Variants in IKZF3 observed in about 807,000 individuals in gnomAD.
The protein encoded by IKZF3 is zinc finger protein Aiolos.
In IKZF3, 10 loss-of-function variants were observed where a neutral mutation model predicts 49.0. That is an observed-to-expected ratio of 0.20 (90% CI 0.13 to 0.35). The LOEUF (loss-of-function observed/expected upper bound fraction) is 0.35. Ranked by LOEUF, IKZF3 falls within the 10% of genes least tolerant of loss-of-function variation. The pLI is 1.00. For missense variants in IKZF3, 498 were observed against 664.8 expected (o/e 0.75, Z 2.76); for synonymous variants, 209 against 228.2 (o/e 0.92, Z 0.76).
At chr17:39,823,324 T>G (rs1467911049) in intron 3 of IKZF3, among the ~76,000 whole-genome samples, 1 of 152,080 alleles carries the variant, frequency 6.6e-6, no homozygotes, top group Non-Finnish European at 1.5e-5. Context: ...GAGAGATGAT[T>G]TAAGGTATCT....
chr17:39,832,676 C>A (rs2062146828), intron 1 of IKZF3, among the ~76,000 whole-genome samples: 1 of 151,882 alleles, frequency 6.6e-6, no homozygotes, highest in African/African-American at 2.4e-5. Context: ...TGACAGTAAA[C>A]ACGTTGATCT....
chr17:39,818,035 G>C (rs902113007), intron 3 of IKZF3, among the ~76,000 whole-genome samples: 3 of 152,138 alleles, frequency 2.0e-5, no homozygotes, highest in Non-Finnish European at 4.4e-5. Flanking sequence ...TAGACAGTAT[G>C]GCCTACTACA....
chr17:39,853,551 A>T (rs2062944693), intron 1 of IKZF3, among the ~76,000 whole-genome samples: 1 of 152,222 alleles, frequency 6.6e-6, no homozygotes, highest in Admixed American at 6.6e-5. Context: ...TAAAAAAATA[A>T]CAGGCCAGGA....
intron 7 of IKZF3, among the ~76,000 whole-genome samples, chr17:39,768,898 G>C (rs550487833): frequency 1.4e-4 from 21 of 152,238 alleles, no homozygotes; most frequent in Non-Finnish European, 2.8e-4. Flanking sequence ...ATTAAATTTT[G>C]ATCGGATACT....
rs769404690 is a variant in IKZF3 at position 39,759,017 on chromosome 17, T to A, written c.*6773A>T. On this transcript the variant is annotated 3_prime_UTR_variant, in exon 8 of 8. Coordinates refer to ENST00000346872, the MANE Select transcript of IKZF3 (RefSeq NM_012481.5). ...TCACAACATCCTTGGAAGGTAGATA[T>A]TGTTATATCCTTACAAAAATTTAAT... 4.0e-5 allele frequency: 6 copies of A among 151,672 alleles called. No individual in the cohort carries two copies. Among genetic ancestry groups the A allele is most frequent in the Non-Finnish European group, 8.8e-5 (6 of 67,974 alleles). 9.4% of individuals were successfully genotyped at this position (151,672 alleles called of 1,614,324 possible). A position where few individuals can be genotyped will look rare whatever the true frequency, so the allele number is the denominator to read the frequency against.
intron 1 of IKZF3, among the ~76,000 whole-genome samples, chr17:39,855,226 C>T (rs1169498693): frequency 1.3e-5 from 2 of 151,906 alleles, no homozygotes; most frequent in Non-Finnish European, 2.9e-5. Context: ...TTGGTATAAA[C>T]GGTGTCCTGT....
intron 2 of IKZF3, among the ~76,000 whole-genome samples, chr17:39,831,760 T>C (rs2062115108): frequency 6.6e-6 from 1 of 152,228 alleles, no homozygotes; most frequent in African/African-American, 2.4e-5. Flanking sequence ...CAGACCACTG[T>C]TCTACAGTAA....
At chr17:39,799,899 A>T (rs979713175) in intron 3 of IKZF3, among the ~76,000 whole-genome samples, 4 of 152,164 alleles carry the variant, frequency 2.6e-5, no homozygotes, top group Non-Finnish European at 5.9e-5. Context: ...ATTTAGTATG[A>T]TATAATTACA....
intron 1 of IKZF3, among the ~76,000 whole-genome samples, chr17:39,848,610 T>C (rs1449761657): frequency 6.6e-6 from 1 of 152,202 alleles, no homozygotes; most frequent in Non-Finnish European, 1.5e-5. Context: ...GAGCTAAATA[T>C]GAAAGTTGAA....
chr17:39,818,967 T>C (rs1199641092), intron 3 of IKZF3, among the ~76,000 whole-genome samples: 1 of 152,226 alleles, frequency 6.6e-6, no homozygotes, highest in African/African-American at 2.4e-5. Flanking sequence ...ATATCTTCTC[T>C]ATCAAGAACT....
At chr17:39,824,567 C>T (rs1280195561) in intron 3 of IKZF3, among the ~76,000 whole-genome samples, 1 of 152,212 alleles carries the variant, frequency 6.6e-6, no homozygotes, top group Non-Finnish European at 1.5e-5. Flanking sequence ...GAATTGTAAC[C>T]CCCATTATCC....
chr17:39,846,512 T>G (rs1411338269), intron 1 of IKZF3, among the ~76,000 whole-genome samples: 1 of 148,136 alleles, frequency 6.8e-6, no homozygotes, highest in Non-Finnish European at 1.5e-5. Flanking sequence ...TTTTTCAGAG[T>G]TTCTAACATT....
chr17:39,825,842 G>A (rs1383813537), intron 3 of IKZF3, among the ~76,000 whole-genome samples: 1 of 152,198 alleles, frequency 6.6e-6, no homozygotes, highest in Non-Finnish European at 1.5e-5. Context: ...GCCCAGAAGA[G>A]TTCTATAATA....
rs1282006220 is a variant in IKZF3, at chr17:39,792,693, A to G, written c.404T>C (p.Val135Ala). The G allele has an allele frequency of 1.2e-6, 2 of 1,614,088 alleles. No individual in the cohort carries two copies. Among genetic ancestry groups the G allele is most frequent in the Admixed American group, 3.3e-5 (2 of 60,026 alleles). ...LSCISFNVLM[V>A]HKRSHTGERP... is the part of the protein sequence containing the mutation. ...TTTACCAGTATGGCTTCGCTTATGA[A>G]CCATTAAGACATTGAAGCTGATGCA... is the stretch of plus-strand genomic sequence containing the variant. The change falls in exon 4 of 8, where the codon GTT (valine) becomes GCT (alanine). Residue 135 changes from valine to alanine, a missense_variant. Val to Ala is a moderately conservative substitution (Grantham distance 64). Coordinates refer to ENST00000346872, the MANE Select transcript of IKZF3 (RefSeq NM_012481.5).
At position 39,759,046 on chromosome 17, in the gene IKZF3, C is replaced by A. The variant is rs185934129; in HGVS notation, c.*6744G>T. ...TATATCCTTACAAAAATTTAATACA[C>A]CCATTAACATTCCTATTTCAAATAG... is the stretch of plus-strand genomic sequence containing the variant. On this transcript the variant is annotated 3_prime_UTR_variant, in exon 8 of 8. Transcript: ENST00000346872. 7 of 151,784 alleles carry A rather than the reference C, an allele frequency of 4.6e-5. No individual in the cohort carries two copies. The East Asian group carries it at 1.4e-3, about 29-fold the overall frequency. 9.4% of individuals were successfully genotyped at this position (151,784 alleles called of 1,614,324 possible). A position where few individuals can be genotyped will look rare whatever the true frequency, so the allele number is the denominator to read the frequency against.
At chr17:39,829,525 C>A (rs371738204) in intron 2 of IKZF3, 37 bp from the exon 3 acceptor site, 2 of 1,429,484 alleles carry the variant, frequency 1.4e-6, no homozygotes, top group Non-Finnish European at 9.9e-7. Flanking sequence ...TGTGGTTCAA[C>A]GTTAAAGGAT....
In IKZF3 at chr17:39,814,238, A is replaced by C. The variant is rs186679540; in HGVS notation, c.163+15149T>G. ...TTGATCTAAGCATCTACACTGCACA[A>C]GATGTCACAATGGAGAAAATATAAG... On this transcript the variant is annotated intron_variant, in intron 3 of 7. Coordinates refer to ENST00000346872, the MANE Select transcript of IKZF3 (RefSeq NM_012481.5). Among the ~76,000 whole-genome samples the C allele has an allele frequency of 3.9e-5, 6 of 152,346 alleles. No individual in the cohort carries two copies. The East Asian group carries it at 1.2e-3, about 29-fold the overall frequency.
chr17:39,836,183 G>A (rs1243725324), intron 1 of IKZF3: 1 of 666,062 alleles, frequency 1.5e-6, no homozygotes, highest in Non-Finnish European at 2.8e-6. Context: ...GGGCTCAGCA[G>A]GCTCTGGTTG....
At position 39,764,632 on chromosome 17, in the gene IKZF3, C is replaced by A. The variant is rs2060248802; in HGVS notation, c.*1158G>T. 1 of 152,130 alleles carries A rather than the reference C, an allele frequency of 6.6e-6. No homozygotes were observed. Among genetic ancestry groups the A allele is most frequent in the Non-Finnish European group, 1.5e-5 (1 of 68,036 alleles). The allele number at this position is 152,130 out of a possible 1,614,324, so 9.4% of individuals were successfully genotyped here. On this transcript the variant is annotated 3_prime_UTR_variant, in exon 8 of 8. Coordinates refer to ENST00000346872, the MANE Select transcript of IKZF3 (RefSeq NM_012481.5). ...AAGGATGACTTATACATCTGCAGAA[C>A]CGTGATCAGACTTTCAGGAATTTTC... is the stretch of plus-strand genomic sequence containing the variant.
Sources: allele counts gnomAD v4.1 joint callset (sites outside exome capture counted in the v4.1 genomes callset), GRCh38; gene constraint gnomAD v4.1.1; transcripts MANE v1.5; gene names NCBI Gene and HGNC (gene_info 2026-07-23, HGNC 2026-07-21).